Variants in TNFRSF6B observed in about 807,000 individuals in gnomAD.
TNFRSF6B encodes TNF receptor superfamily member 6b, also known as tumor necrosis factor receptor superfamily member 6B.
In TNFRSF6B, 23 loss-of-function variants were observed where a neutral mutation model predicts 17.9. The ratio of observed to expected loss-of-function variants is 1.28; its 90% confidence interval spans 0.92 to 1.82. The LOEUF (loss-of-function observed/expected upper bound fraction) is 1.82, where lower values mean the gene tolerates loss of function less well. Among genes scored for constraint, TNFRSF6B ranks in the 40% most tolerant of loss-of-function variants. The probability of loss-of-function intolerance (pLI) is 0.00; values close to 1 mark genes in which losing one functional copy is unlikely to be tolerated. For synonymous variants in TNFRSF6B, 291 were observed against 195.8 expected, an observed-to-expected ratio of 1.49 and a Z score of -4.06; for missense variants, 555 against 437.2, an observed-to-expected ratio of 1.27 and a Z score of -2.40.
In TNFRSF6B at chr20:63,696,863, AACACCC is replaced by A. The variant is rs2145486632; in HGVS notation, c.99_104del (p.Pro34_Thr35del). The A allele has an allele frequency of 6.2e-7, 1 of 1,611,726 alleles. No homozygotes were observed. Among genetic ancestry groups the A allele is most frequent in the East Asian group, 2.2e-5 (1 of 44,842 alleles). On this transcript the variant is annotated inframe_deletion, in exon 1 of 3. Coordinates refer to ENST00000369996, the MANE Select transcript of TNFRSF6B (RefSeq NM_003823.4). ...TGCCGGCTGTACGCGGAGTGGCAGA[AACACCC>A]ACCTACCCCTGGCGGGACGCAGAGA...
Position 63,698,439 on chromosome 20 carries a change from G to A in TNFRSF6B, c.779G>A (p.Arg260Gln), listed in dbSNP as rs757105703. The change falls in exon 3 of 3, where the codon CGG becomes CAG. Residue 260 changes from arginine (R) to glutamine (Q), a missense_variant. Coordinates refer to ENST00000369996, the MANE Select transcript of TNFRSF6B (RefSeq NM_003823.4). ...RAALQLKLRR[R>Q]LTELLGAQDG... ...GCCTTGCAGCTGAAGCTGCGTCGGC[G>A]GCTCACGGAGCTCCTGGGGGCGCAG... 2.4e-5 allele frequency: 38 copies of A among 1,570,252 alleles called. No homozygotes were observed. The highest frequency in any genetic ancestry group is 8.1e-5 in the South Asian group (7 of 86,202).
chr20:63,697,757 A>C (rs1294410690), intron 2 of TNFRSF6B, among the ~76,000 whole-genome samples: 1 of 152,124 alleles, frequency 6.6e-6, no homozygotes, highest in Non-Finnish European at 1.5e-5. Flanking sequence ...GAGCTCTGGG[A>C]AAGTGGGCAG....
intron 2 of TNFRSF6B, among the ~76,000 whole-genome samples, chr20:63,698,050 C>T (rs1443775518): frequency 7.9e-5 from 12 of 152,092 alleles, no homozygotes; most frequent in African/African-American, 1.2e-4. Flanking sequence ...AGCCAAGGTC[C>T]GAGTGGCCGC....
chr20:63,698,325 A>G lies in TNFRSF6B; in HGVS notation c.665A>G (p.Gln222Arg). 6.2e-7 allele frequency: 1 copy of G among 1,611,518 alleles called. No individual in the cohort carries two copies. Among genetic ancestry groups the G allele is most frequent in the Non-Finnish European group, 8.5e-7 (1 of 1,179,444 alleles). Residue 222 changes from glutamine (Q) to arginine (R), a missense_variant, in exon 3 of 3, where the codon CAG becomes CGG. Gln to Arg is a conservative substitution (Grantham distance 43). Transcript: ENST00000369996. ...ERAVIDFVAF[Q>R]DISIKRLQRL... ...GCCGTCATCGACTTTGTGGCTTTCC[A>G]GGACATCTCCATCAAGAGGCTGCAG...
Position 63,698,387 on chromosome 20 carries a change from G to A in TNFRSF6B, c.727G>A (p.Gly243Ser). The stretch of plus-strand genomic sequence containing the variant: ...GGCCCTCGAGGCCCCGGAGGGCTGG[G>A]GTCCGACACCAAGGGCGGGCCGCGC... ...LQALEAPEGW[G>S]PTPRAGRAAL... The change falls in exon 3 of 3, where the codon GGT (glycine) becomes AGT (serine). Residue 243 changes from glycine to serine, a missense_variant. By Grantham distance (56) the Gly-to-Ser change is moderately conservative. Coordinates refer to ENST00000369996, the MANE Select transcript of TNFRSF6B (RefSeq NM_003823.4). 1 of 1,604,372 alleles carries A rather than the reference G, an allele frequency of 6.2e-7. No individual in the cohort carries two copies. The highest frequency in any genetic ancestry group is 8.5e-7 in the Non-Finnish European group (1 of 1,176,972).
In TNFRSF6B at chr20:63,697,460, C is replaced by G. The variant is rs1323152946; in HGVS notation, c.557C>G (p.Ser186Cys). 3 of 1,593,160 alleles carry G rather than the reference C, an allele frequency of 1.9e-6. No individual in the cohort carries two copies. Among genetic ancestry groups the G allele is most frequent in the Non-Finnish European group, 1.7e-6 (2 of 1,170,698 alleles). The change falls in exon 2 of 3, where the codon TCT becomes TGT. Residue 186 changes from serine to cysteine, a missense_variant. Transcript: ENST00000369996. The part of the protein sequence containing the change: ...ALGLALNVPG[S>C]SSHDTLCTSC... ...GGCCTGGCCCTCAATGTGCCAGGCT[C>G]TTCCTCCCATGACACCCTGTGCACC...
intron 2 of TNFRSF6B, among the ~76,000 whole-genome samples, chr20:63,697,798 C>T (rs150309012): frequency 6.6e-6 from 1 of 152,294 alleles, no homozygotes; most frequent in South Asian, 2.1e-4. Context: ...GGGAAGGTGG[C>T]TGGCTCCTCT....
chr20:63,697,196 G>C lies in TNFRSF6B; in HGVS notation c.424+5G>C. ...GTGCCGGCGTGATTGCCCCGGGTGA[G>C]AGCTGGGCGAGGGGAGGGGCCCCCA... On this transcript the variant is annotated splice_donor_5th_base_variant and intron_variant, in intron 1 of 2. Coordinates refer to ENST00000369996, the MANE Select transcript of TNFRSF6B (RefSeq NM_003823.4). The C allele has an allele frequency of 6.4e-7, 1 of 1,555,556 alleles. No homozygotes were observed. Among genetic ancestry groups the C allele is most frequent in the Non-Finnish European group, 8.7e-7 (1 of 1,148,574 alleles).
chr20:63,697,470 T>C lies in TNFRSF6B; in HGVS notation c.567T>C (p.His189=). The C allele has an allele frequency of 6.3e-7, 1 of 1,584,108 alleles. No individual in the cohort carries two copies. The highest frequency in any genetic ancestry group is 1.7e-4 in the Middle Eastern group (1 of 6,024). Residue 189 remains histidine (H), a synonymous_variant, in exon 2 of 3, where the codon CAT becomes CAC. Coordinates refer to ENST00000369996, the MANE Select transcript of TNFRSF6B (RefSeq NM_003823.4). ...TCAATGTGCCAGGCTCTTCCTCCCA[T>C]GACACCCTGTGCACCAGCTGCACTG... ...LALNVPGSSS[H]DTLCTSCTGF... is the part of the protein sequence containing the mutation.
Position 63,698,409 on chromosome 20 carries a change from G to A in TNFRSF6B, c.749G>A (p.Arg250His), listed in dbSNP as rs377030676. Residue 250 changes from arginine (R) to histidine (H), a missense_variant, in exon 3 of 3, where the codon CGC becomes CAC. Transcript: ENST00000369996. ...TGGGGTCCGACACCAAGGGCGGGCC[G>A]CGCGGCCTTGCAGCTGAAGCTGCGT... Reference protein sequence around the residue: ...EGWGPTPRAGRAALQLKLRRR... With the variant: ...EGWGPTPRAGHAALQLKLRRR... The A allele has an allele frequency of 8.2e-5, 131 of 1,592,936 alleles. No individual in the cohort carries two copies. The highest frequency in any genetic ancestry group is 6.7e-4 in the Middle Eastern group (4 of 6,006).
In TNFRSF6B at chr20:63,697,148, G is replaced by A; in HGVS notation, c.381G>A (p.Leu127=). 2 of 1,579,844 alleles carry A rather than the reference G, an allele frequency of 1.3e-6. No homozygotes were observed. Among genetic ancestry groups the A allele is most frequent in the Non-Finnish European group, 1.7e-6 (2 of 1,165,242 alleles). ...TCTTCGCGCACGCTGGTTTCTGCTT[G>A]GAGCACGCATCGTGTCCACCTGGTG... The part of the protein sequence containing the change: ...TGFFAHAGFC[L]EHASCPPGAG... The change falls in exon 1 of 3, where the codon TTG becomes TTA. Residue 127 remains leucine, a synonymous_variant. Coordinates refer to ENST00000369996, the MANE Select transcript of TNFRSF6B (RefSeq NM_003823.4).
At chr20:63,697,558 G>C in intron 2 of TNFRSF6B, 36 bp downstream of exon 2, 3 of 1,506,552 alleles carry the variant, frequency 2.0e-6, no homozygotes, top group Non-Finnish European at 2.7e-6. Context: ...CACACTGCAG[G>C]CCAGGCCCAC....
Position 63,697,643 on chromosome 20 carries a change from T to C in TNFRSF6B, c.619+121T>C, listed in dbSNP as rs1003786111. 1.1e-5 allele frequency: 12 copies of C among 1,126,568 alleles called. No homozygotes were observed. The African/African-American group carries it at 1.9e-4, about 18-fold the overall frequency. 69.8% of individuals were successfully genotyped at this position (1,126,568 alleles called of 1,614,324 possible). A position where few individuals can be genotyped will look rare whatever the true frequency, so the allele number is the denominator to read the frequency against. On this transcript the variant is annotated intron_variant, in intron 2 of 2. Coordinates refer to ENST00000369996, the MANE Select transcript of TNFRSF6B (RefSeq NM_003823.4). ...AGCTGGCTCTGGGAAGGGGCCACAG[T>C]GGATTTGAGGGGTCAGGGGTCCCTC...
In TNFRSF6B at chr20:63,696,759, G is replaced by GC. The variant is rs1427501591; in HGVS notation, c.-8dup. On this transcript the variant is annotated 5_prime_UTR_variant, in exon 1 of 3. Coordinates refer to ENST00000369996, the MANE Select transcript of TNFRSF6B (RefSeq NM_003823.4). ...GCTGAGCCGCGCTCTCCCTGCTCCA[G>GC]CAAGGACCATGAGGGCGCTGGAGGG... 2 of 1,567,822 alleles carry GC rather than the reference G, an allele frequency of 1.3e-6. No homozygotes were observed. Among genetic ancestry groups the GC allele is most frequent in the South Asian group, 2.3e-5 (2 of 85,112 alleles).
intron 2 of TNFRSF6B, 53 bp downstream of exon 2, chr20:63,697,575 CCT>C (rs1428003216): frequency 6.8e-7 from 1 of 1,475,900 alleles, no homozygotes; most frequent in Non-Finnish European, 9.0e-7. Flanking sequence ...CCACTTGTGC[CCT>C]CACTCCTGCC....
Position 63,698,348 on chromosome 20 carries a change from C to CA in TNFRSF6B, c.689dup (p.Arg231AlafsTer64), listed in dbSNP as rs2091031047. ...CCAGGACATCTCCATCAAGAGGCTG[C>CA]AGCGGCTGCTGCAGGCCCTCGAGGC... On this transcript the variant is annotated frameshift_variant, in exon 3 of 3. Coordinates refer to ENST00000369996, the MANE Select transcript of TNFRSF6B (RefSeq NM_003823.4). LOFTEE classifies it low-confidence loss of function (END_TRUNC). 1 of 1,611,024 alleles carries CA rather than the reference C, an allele frequency of 6.2e-7. No individual in the cohort carries two copies. The highest frequency in any genetic ancestry group is 1.3e-5 in the African/African-American group (1 of 74,680).
In TNFRSF6B at chr20:63,698,338, C is replaced by T. The variant is rs764972813; in HGVS notation, c.678C>T (p.Ile226=). ...TTGTGGCTTTCCAGGACATCTCCAT[C>T]AAGAGGCTGCAGCGGCTGCTGCAGG... ...IDFVAFQDIS[I]KRLQRLLQAL... Residue 226 remains isoleucine, a synonymous_variant, in exon 3 of 3, where the codon ATC becomes ATT. Transcript: ENST00000369996. The T allele has an allele frequency of 5.6e-6, 9 of 1,611,508 alleles. No homozygotes were observed. The highest frequency in any genetic ancestry group is 3.3e-5 in the South Asian group (3 of 91,048).
In TNFRSF6B at chr20:63,697,452, G is replaced by A. The variant is rs542135006; in HGVS notation, c.549G>A (p.Val183=). The A allele has an allele frequency of 3.1e-6, 5 of 1,597,678 alleles. No homozygotes were observed. In the Admixed American group the frequency reaches 8.7e-5, roughly 28 times the overall value. ...CGGCCCTGGGCCTGGCCCTCAATGT[G>A]CCAGGCTCTTCCTCCCATGACACCC... The part of the protein sequence containing the change: ...NCTALGLALN[V]PGSSSHDTLC... The change falls in exon 2 of 3, where the codon GTG becomes GTA. Residue 183 remains valine, a synonymous_variant. Coordinates refer to ENST00000369996, the MANE Select transcript of TNFRSF6B (RefSeq NM_003823.4).
In TNFRSF6B at chr20:63,697,503, CCT is replaced by C; in HGVS notation, c.602_603del (p.Leu201GlnfsTer8). 1 of 1,554,344 alleles carries C rather than the reference CCT, an allele frequency of 6.4e-7. No homozygotes were observed. The highest frequency in any genetic ancestry group is 1.2e-5 in the South Asian group (1 of 85,248). ...TLCTSCTGFP[L>X]STRVPGAEEC... is the part of the protein sequence containing the mutation. ...TGTGCACCAGCTGCACTGGCTTCCC[CCT>C]CAGCACCAGGGTACCAGGTGAGCCA... On this transcript the variant is annotated frameshift_variant, in exon 2 of 3. Coordinates refer to ENST00000369996, the MANE Select transcript of TNFRSF6B (RefSeq NM_003823.4). LOFTEE classifies it low-confidence loss of function (END_TRUNC).
Sources: gnomAD v4.1 joint callset for allele counts (sites outside exome capture counted in the v4.1 genomes callset) on GRCh38, gnomAD v4.1.1 for gene constraint, MANE v1.5 for transcripts, NCBI Gene and HGNC (gene_info 2026-07-23, HGNC 2026-07-21) for gene names.